LIMK2: variants seen among roughly 807,000 people sequenced by gnomAD.
The protein encoded by LIMK2 is LIM domain kinase 2.
A neutral mutation model predicts 75.7 loss-of-function variants in LIMK2; 35 were observed. That is an observed-to-expected ratio of 0.46 (90% CI 0.35 to 0.61). LIMK2 has a LOEUF of 0.61. Ranked by LOEUF, LIMK2 falls within the 20% of genes least tolerant of loss-of-function variation. The pLI is 0.00. For synonymous variants in LIMK2, 301 were observed against 319.2 expected (o/e 0.94, Z 0.61); for missense variants, 623 against 831.0 (o/e 0.75, Z 3.08).
chr22:31,233,518 C>A (rs1405013371), intron 2 of LIMK2, among the ~76,000 whole-genome samples: 1 of 152,224 alleles, frequency 6.6e-6, no homozygotes, highest in Non-Finnish European at 1.5e-5. Context: ...GGCAGTCTTA[C>A]ACACACTCAT....
rs1217051326 is a variant in LIMK2, at chr22:31,259,999, C to G, written c.473C>G (p.Thr158Ser). The G allele has an allele frequency of 6.2e-7, 1 of 1,611,410 alleles. No individual in the cohort carries two copies. Among genetic ancestry groups the G allele is most frequent in the Non-Finnish European group, 8.5e-7 (1 of 1,179,414 alleles). Residue 158 changes from threonine to serine, a missense_variant, in exon 5 of 16, where the codon ACC becomes AGC. Physicochemically the swap from Thr to Ser is moderately conservative, Grantham distance 58 (BLOSUM62 1). This residue lies in a region of LIMK2 where 514 missense variants were observed against 661.3 expected (regional missense o/e 0.78). Coordinates refer to ENST00000331728, the MANE Select transcript of LIMK2 (RefSeq NM_005569.4). ...GTCACGCTCATCTCCATGCCGGCCA[C>G]CACTGAAGGCAGGCGGGGCTTCTCC... ...YSVTLISMPA[T>S]TEGRRGFSVS...
At chr22:31,257,542 A>C (rs1294451303) in intron 2 of LIMK2, among the ~76,000 whole-genome samples, 1 of 152,208 alleles carries the variant, frequency 6.6e-6, no homozygotes, top group East Asian at 1.9e-4. Context: ...GCAATTTTAC[A>C]ATATAATATT....
At chr22:31,250,471 G>T (rs2048714455) in intron 2 of LIMK2, among the ~76,000 whole-genome samples, 1 of 152,126 alleles carries the variant, frequency 6.6e-6, no homozygotes, top group Non-Finnish European at 1.5e-5. Flanking sequence ...CGTTTGTCTT[G>T]TTCTGTCCCA....
At chr22:31,252,975 G>A (rs2048740734) in intron 2 of LIMK2, among the ~76,000 whole-genome samples, 1 of 152,206 alleles carries the variant, frequency 6.6e-6, no homozygotes, top group Non-Finnish European at 1.5e-5. Context: ...TATGTTCTCT[G>A]CTGACTCAAA....
Position 31,262,448 on chromosome 22 carries a change from C to A in LIMK2, c.658-147C>A, listed in dbSNP as rs1410355403. 11 of 838,772 alleles carry A rather than the reference C, an allele frequency of 1.3e-5. No individual in the cohort carries two copies. Among genetic ancestry groups the A allele is most frequent in the Non-Finnish European group, 2.1e-5 (11 of 523,812 alleles). The allele number at this position is 838,772 out of a possible 1,614,324, so 52.0% of individuals were successfully genotyped here. A position where few individuals can be genotyped will look rare whatever the true frequency, so the allele number is the denominator to read the frequency against. On this transcript the variant is annotated intron_variant, in intron 6 of 15. Transcript: ENST00000331728. The surrounding 1 kb of genome is among the most constrained non-coding windows in gnomAD (Gnocchi z 5.0). ...ACGGGAGAGCTGACAGGATGCCAGG[C>A]AGAGGGCACTGTGAGGCCACTGGCA...
intron 5 of LIMK2, 40 bp downstream of exon 5, chr22:31,260,117 A>G (rs745341798): frequency 3.6e-5 from 54 of 1,496,824 alleles, no homozygotes; most frequent in Non-Finnish European, 4.8e-5. Context: ...GTTCTTGAGC[A>G]GAGTCTGTAA....
chr22:31,228,021 C>CGTGTGTGT (rs66641491), intron 2 of LIMK2, among the ~76,000 whole-genome samples: 5,250 of 147,606 alleles, frequency 0.036, 378 homozygotes, highest in East Asian at 0.33. Flanking sequence ...TCTGTGCGTG[C>CGTGTGTGT]GTGTGTGTGT....
rs575352334 is a variant in LIMK2, at chr22:31,267,673, G to A, written c.1129-103G>A. On this transcript the variant is annotated intron_variant, in intron 9 of 15. Transcript: ENST00000331728. ...TCATATCACAAGATAGGAGGTAGGA[G>A]ATACAGGTGGTAACACTTGTCAAGC... 8.0e-6 allele frequency: 10 copies of A among 1,257,250 alleles called. No homozygotes were observed. In the African/African-American group the frequency reaches 1.3e-4, roughly 17 times the overall value. 77.9% of individuals were successfully genotyped at this position (1,257,250 alleles called of 1,614,324 possible).
Position 31,246,179 on chromosome 22 carries a change from G to GCACACA in LIMK2, c.117-12109_117-12108insACACAC, listed in dbSNP as rs1341395963. 2.4e-3 allele frequency among the ~76,000 whole-genome samples: 165 copies of GCACACA among 69,804 alleles called. 2 individuals are homozygous for GCACACA. The East Asian group carries it at 0.055, about 23-fold the overall frequency. The allele number at this position is 69,804 out of a possible 152,430, so 45.8% of individuals were successfully genotyped here. A position where few individuals can be genotyped will look rare whatever the true frequency, so the allele number is the denominator to read the frequency against. On this transcript the variant is annotated intron_variant, in intron 2 of 15. Transcript: ENST00000331728. ...CAGAGCGAGACTCCGACACACGCAC[G>GCACACA]CACGCACACACACACACACACACAC...
chr22:31,271,338 T>G (rs2048954905), intron 12 of LIMK2, 137 bp downstream of exon 12: 2 of 727,306 alleles, frequency 2.7e-6, no homozygotes, highest in African/African-American at 1.7e-5. Flanking sequence ...CCTTCCTGCT[T>G]CTTCCAATGC....
intron 2 of LIMK2, among the ~76,000 whole-genome samples, chr22:31,230,555 C>T (rs1040902974): frequency 2.2e-4 from 33 of 152,272 alleles, no homozygotes; most frequent in Non-Finnish European, 3.8e-4. Context: ...GAAAATCCAC[C>T]GCTCTTAAGG....
At chr22:31,225,387 G>C (rs5753516) in intron 1 of LIMK2, among the ~76,000 whole-genome samples, 1 of 152,140 alleles carries the variant, frequency 6.6e-6, no homozygotes, top group Non-Finnish European at 1.5e-5. Context: ...GATTGTGTTC[G>C]TTTCTTCTTC....
rs181812397 is a variant in LIMK2, at chr22:31,231,973, C to A, written c.116+6154C>A. The stretch of plus-strand genomic sequence containing the variant: ...CTTGGACTACAGGCGTGCCACCACA[C>A]CTTGCCATTTTTTTTTATTTTAAGT... On this transcript the variant is annotated intron_variant, in intron 2 of 15. Coordinates refer to ENST00000331728, the MANE Select transcript of LIMK2 (RefSeq NM_005569.4). 9.3e-4 allele frequency among the ~76,000 whole-genome samples: 141 copies of A among 152,166 alleles called. 4 individuals carry two copies. The East Asian group carries it at 0.025, about 27-fold the overall frequency.
At chr22:31,212,451 C>T (rs370538519) in intron 1 of LIMK2, 27 bp downstream of exon 1, 10 of 1,318,646 alleles carry the variant, frequency 7.6e-6, no homozygotes, top group African/African-American at 1.5e-5. Context: ...CCGCCCTGTC[C>T]CGCTGTTATC....
In LIMK2 at chr22:31,278,906, G is replaced by A. The variant is rs2049058922; in HGVS notation, c.*465G>A. On this transcript the variant is annotated 3_prime_UTR_variant, in exon 16 of 16. Transcript: ENST00000331728. ...TGTGTGGACGAAAGAAAGACTGATG[G>A]CTCAAAGGGTGTGAAAAAGTCAGTG... 6.5e-6 allele frequency: 1 copy of A among 153,092 alleles called. No individual in the cohort carries two copies. The highest frequency in any genetic ancestry group is 1.5e-5 in the Non-Finnish European group (1 of 68,674). The allele number at this position is 153,092 out of a possible 1,614,324, so 9.5% of individuals were successfully genotyped here. A position where few individuals can be genotyped will look rare whatever the true frequency, so the allele number is the denominator to read the frequency against.
At chr22:31,231,472 G>A (rs1399098230) in intron 2 of LIMK2, among the ~76,000 whole-genome samples, 9 of 152,182 alleles carry the variant, frequency 5.9e-5, no homozygotes, top group South Asian at 2.1e-4. Flanking sequence ...CAGCCAGCCC[G>A]TAGATCATTA....
chr22:31,240,354 CGTTT>C (rs888164060), intron 2 of LIMK2, among the ~76,000 whole-genome samples: 4 of 151,924 alleles, frequency 2.6e-5, no homozygotes, highest in African/African-American at 9.7e-5. Context: ...TCATCCCTCA[CGTTT>C]GTTTGTTTGA....
At chr22:31,223,747 A>G (rs1257966111) in intron 1 of LIMK2, among the ~76,000 whole-genome samples, 1 of 152,170 alleles carries the variant, frequency 6.6e-6, no homozygotes, top group East Asian at 1.9e-4. Flanking sequence ...CTGTCACCCT[A>G]AAACCAAAAA....
At chr22:31,248,697 C>CT in intron 2 of LIMK2, 6 of 1,614,178 alleles carry the variant, frequency 3.7e-6, no homozygotes, top group Non-Finnish European at 5.1e-6. Flanking sequence ...CTGAGCCTGT[C>CT]TATCTGGTGT....
Sources: allele counts gnomAD v4.1 joint callset (sites outside exome capture counted in the v4.1 genomes callset), GRCh38; gene constraint gnomAD v4.1.1; regional missense constraint gnomAD v4.1.1; non-coding constraint Gnocchi (gnomAD v3.1); transcripts MANE v1.5; gene names NCBI Gene and HGNC (gene_info 2026-07-23, HGNC 2026-07-21).